TENM1: variants seen among roughly 807,000 people sequenced by gnomAD.
TENM1 encodes the protein teneurin transmembrane protein 1.
A neutral mutation model predicts 174.8 loss-of-function variants in TENM1; 35 were observed. The observed-to-expected ratio is 0.20, with a 90% CI of 0.15 to 0.27. TENM1 has a LOEUF of 0.27. Ranked by LOEUF, TENM1 falls within the 10% of genes least tolerant of loss-of-function variation. The pLI is 1.00. For missense variants in TENM1, 1,633 were observed against 2,130.1 expected, an observed-to-expected ratio of 0.77 and a Z score of 4.59; for synonymous variants, 781 against 798.7, an observed-to-expected ratio of 0.98 and a Z score of 0.37.
chrX:124,679,480 G>T (rs1333526536), intron 5 of TENM1, among the ~76,000 whole-genome samples: 1 of 111,823 alleles, frequency 8.9e-6, no homozygotes, highest in Non-Finnish European at 1.9e-5. Context: ...TACTTCAGTG[G>T]CCATGATGTG....
intron 11 of TENM1, among the ~76,000 whole-genome samples, chrX:124,584,025 T>C (rs1378115030): frequency 9.1e-6 from 1 of 109,970 alleles, no homozygotes; most frequent in African/African-American, 3.3e-5. Flanking sequence ...CCAAGAAATA[T>C]GGGACTATGT....
chrX:124,959,061 T>C (rs2058618678), intron 1 of TENM1, among the ~76,000 whole-genome samples: 1 of 111,634 alleles, frequency 9.0e-6, no homozygotes, highest in Non-Finnish European at 1.9e-5. Flanking sequence ...CTTCTTCCTT[T>C]AAAATAATGA....
intron 28 of TENM1, among the ~76,000 whole-genome samples, chrX:124,390,906 T>C (rs1389027984): frequency 8.9e-6 from 1 of 111,844 alleles, no homozygotes; most frequent in African/African-American, 3.2e-5. Flanking sequence ...GGATAGATTA[T>C]AGATTTGATA....
chrX:125,068,241 T>C, the TENM1 span, among the ~76,000 whole-genome samples: 1 of 111,180 alleles, frequency 9.0e-6, no homozygotes, highest in African/African-American at 3.3e-5. Flanking sequence ...TAATTAGGCC[T>C]GGCCTGGGGT....
chrX:124,782,342 T>C (rs754993725), intron 3 of TENM1, among the ~76,000 whole-genome samples: 6 of 111,464 alleles, frequency 5.4e-5, no homozygotes, highest in Admixed American at 9.5e-5. Flanking sequence ...GGCTATCATA[T>C]TGTAGGCAAA....
intron 3 of TENM1, among the ~76,000 whole-genome samples, chrX:124,777,932 C>T (rs1246090927): frequency 8.9e-6 from 1 of 112,687 alleles, no homozygotes; most frequent in Non-Finnish European, 1.9e-5. Flanking sequence ...AAAGCAGCCA[C>T]AGACAATGTG....
intron 3 of TENM1, among the ~76,000 whole-genome samples, chrX:124,780,496 A>G (rs1222739641): frequency 9.0e-6 from 1 of 111,666 alleles, no homozygotes; most frequent in Non-Finnish European, 1.9e-5. Context: ...TAGATGGCTT[A>G]TATCAGTGAT....
intron 11 of TENM1, among the ~76,000 whole-genome samples, chrX:124,597,069 C>A (rs1303018681): frequency 9.0e-6 from 1 of 111,406 alleles, no homozygotes; most frequent in Non-Finnish European, 1.9e-5. Flanking sequence ...TTTTACACTG[C>A]TGGTGGGAAT....
At chrX:125,199,649 C>G in the TENM1 span, among the ~76,000 whole-genome samples, 2 of 111,074 alleles carry the variant, frequency 1.8e-5, no homozygotes, top group Non-Finnish European at 3.8e-5. Flanking sequence ...GTAAATTATC[C>G]AAGATTATAC....
chrX:124,574,673 T>A (rs978744455), intron 11 of TENM1, among the ~76,000 whole-genome samples: 1 of 97,967 alleles, frequency 1.0e-5, no homozygotes, highest in Non-Finnish European at 2.1e-5. Flanking sequence ...TTGGGGAAAC[T>A]AAACTATGAG....
At chrX:125,168,187 A>G in the TENM1 span, among the ~76,000 whole-genome samples, 1 of 111,502 alleles carries the variant, frequency 9.0e-6, no homozygotes, top group Non-Finnish European at 1.9e-5. Flanking sequence ...GGAATTGTGC[A>G]TTGTATGTTT....
intron 3 of TENM1, among the ~76,000 whole-genome samples, chrX:124,830,846 C>G (rs768711834): frequency 8.9e-6 from 1 of 112,339 alleles, no homozygotes; most frequent in East Asian, 2.8e-4. Context: ...AGTTTGGACA[C>G]TGAACTCCAC....
intron 11 of TENM1, among the ~76,000 whole-genome samples, chrX:124,586,419 A>T (rs927805387): frequency 9.2e-6 from 1 of 109,251 alleles, no homozygotes; most frequent in Non-Finnish European, 1.9e-5. Flanking sequence ...GCATATAAAC[A>T]GAACCAAAGA....
intron 18 of TENM1, among the ~76,000 whole-genome samples, chrX:124,510,694 A>G (rs780316894): frequency 9.1e-5 from 10 of 110,257 alleles, no homozygotes; most frequent in Non-Finnish European, 1.5e-4. Context: ...CATCTTACCA[A>G]TGGCTTTTAA....
At chrX:125,190,722 A>AT in the TENM1 span, among the ~76,000 whole-genome samples, 1 of 110,955 alleles carries the variant, frequency 9.0e-6, no homozygotes, top group Admixed American at 9.6e-5. Context: ...GGCAATATTT[A>AT]TTTTTTTGTT....
the TENM1 span, among the ~76,000 whole-genome samples, chrX:124,975,586 T>C: frequency 8.9e-6 from 1 of 111,955 alleles, no homozygotes; most frequent in Non-Finnish European, 1.9e-5. Context: ...AAATCAACAC[T>C]GTATCTGTAA....
At chrX:124,652,619 C>G (rs2051337800) in intron 7 of TENM1, among the ~76,000 whole-genome samples, 1 of 111,837 alleles carries the variant, frequency 8.9e-6, no homozygotes, top group African/African-American at 3.2e-5. Flanking sequence ...AATACACCTT[C>G]CACTCATAAA....
At chrX:125,082,797 T>G in the TENM1 span, among the ~76,000 whole-genome samples, 1 of 111,056 alleles carries the variant, frequency 9.0e-6, no homozygotes, top group African/African-American at 3.3e-5. Context: ...TCTTTTTAAA[T>G]TTTGTGTGTA....
chrX:124,835,921 G>A (rs1341060810), intron 3 of TENM1, among the ~76,000 whole-genome samples: 2 of 111,705 alleles, frequency 1.8e-5, no homozygotes, highest in Non-Finnish European at 3.8e-5. Flanking sequence ...AATGCTTTTC[G>A]AGGGGATGAA....
Sources: gnomAD v4.1 joint callset for allele counts (sites outside exome capture counted in the v4.1 genomes callset) on GRCh38, gnomAD v4.1.1 for gene constraint, MANE v1.5 for transcripts, NCBI Gene and HGNC (gene_info 2026-07-23, HGNC 2026-07-21) for gene names.